The following AURKC variants were observed in gnomAD, a reference collection of about 807,000 sequenced individuals.
AURKC encodes the protein ARK-3.
Under a neutral mutation model 29.2 loss-of-function variants are expected in AURKC, and 15 were observed. The ratio of observed to expected loss-of-function variants is 0.51; its 90% CI spans 0.34 to 0.79. The LOEUF is 0.79. Among genes scored for constraint, AURKC ranks in the 30% least tolerant of loss-of-function variants. The pLI is 0.01. For synonymous variants in AURKC, 150 were observed against 149.9 expected (o/e 1.00, Z -0.01); for missense variants, 332 against 383.2 (o/e 0.87, Z 1.12).
At position 57,232,422 on chromosome 19, in the gene AURKC, A is replaced by G; in HGVS notation, c.297-120A>G. The G allele has an allele frequency of 3.3e-6, 5 of 1,523,934 alleles. No homozygotes were observed. Among genetic ancestry groups the G allele is most frequent in the Non-Finnish European group, 3.6e-6 (4 of 1,106,366 alleles). The allele number at this position is 1,523,934 out of a possible 1,614,324, so 94.4% of individuals were successfully genotyped here. On this transcript the variant is annotated intron_variant, in intron 3 of 6. Transcript: ENST00000302804. The surrounding 1 kb of genome is among the most constrained non-coding windows in gnomAD (Gnocchi z 4.5). Reference sequence around the variant, plus strand: ...CCGTTCTCCCCTCACTTGCTCCCAGATAGGGCTGTTGTTATTCTGGTCCCA... The same window carrying G: ...CCGTTCTCCCCTCACTTGCTCCCAGGTAGGGCTGTTGTTATTCTGGTCCCA...
In AURKC at chr19:57,231,231, C is replaced by T. The variant is rs1398434887; in HGVS notation, c.-18C>T. The T allele has an allele frequency of 1.9e-6, 3 of 1,551,678 alleles. No individual in the cohort carries two copies. Among genetic ancestry groups the T allele is most frequent in the Non-Finnish European group, 2.6e-6 (3 of 1,147,042 alleles). ...CAGAGGGTTCAGGAAGGCGTCCGCG[C>T]CCTCACCTCTTCTCCCCATGAGCTC... On this transcript the variant is annotated 5_prime_UTR_variant, in exon 1 of 7. Transcript: ENST00000302804.
At position 57,235,257 on chromosome 19, in the gene AURKC, G is replaced by T. The variant is rs147392532; in HGVS notation, c.770G>T (p.Arg257Met). 1.2e-6 allele frequency: 2 copies of T among 1,614,218 alleles called. No homozygotes were observed. Among genetic ancestry groups the T allele is most frequent in the Non-Finnish European group, 1.7e-6 (2 of 1,180,028 alleles). ...TCCTGGCCTCATCAGGTAGATGTGA[G>T]GTTTCCACTATCAATGCCTCTGGGG... ...TYRRILKVDV[R>M]FPLSMPLGAR... The change falls in exon 7 of 7, where the codon AGG becomes ATG. Residue 257 changes from arginine to methionine, a missense_variant. Coordinates refer to ENST00000302804, the MANE Select transcript of AURKC (RefSeq NM_001015878.2).
intron 6 of AURKC, 54 bp downstream of exon 6, chr19:57,235,112 G>T: frequency 6.2e-7 from 1 of 1,612,596 alleles, no homozygotes; most frequent in Admixed American, 1.7e-5. Context: ...GATGGCTGCT[G>T]GGCTGTGGGC....
rs2087514879 is a variant in AURKC at position 57,233,516 on chromosome 19, C to A, written c.492C>A (p.His164Gln). The A allele has an allele frequency of 6.2e-7, 1 of 1,614,174 alleles. No individual in the cohort carries two copies. Among genetic ancestry groups the A allele is most frequent in the Non-Finnish European group, 8.5e-7 (1 of 1,180,038 alleles). ...ACTGCCATGACAAGAAAGTGATTCA[C>A]AGAGATATTAAGCCAGAGAACCTGC... ...LTYCHDKKVI[H>Q]RDIKPENLLL... The change falls in exon 5 of 7, where the codon CAC becomes CAA. Residue 164 changes from histidine (H) to glutamine (Q), a missense_variant. Coordinates refer to ENST00000302804, the MANE Select transcript of AURKC (RefSeq NM_001015878.2).
rs768129031 is a variant in AURKC, at chr19:57,232,494, T to C, written c.297-48T>C. On this transcript the variant is annotated intron_variant, in intron 3 of 6. Transcript: ENST00000302804. The surrounding 1 kb of genome is among the most constrained non-coding windows in gnomAD (Gnocchi z 4.5). The stretch of plus-strand genomic sequence containing the variant: ...ACCAGGCAGTGACGGTGGCATCATA[T>C]GATAGGCCTCAGGGAGAAATCTGAC... 74 of 1,613,666 alleles carry C rather than the reference T, an allele frequency of 4.6e-5. No individual in the cohort carries two copies. The highest frequency in any genetic ancestry group is 5.6e-5 in the Non-Finnish European group (66 of 1,179,952).
intron 5 of AURKC, 73 bp downstream of exon 5, chr19:57,233,681 T>C: frequency 6.3e-7 from 1 of 1,599,270 alleles, no homozygotes; most frequent in Non-Finnish European, 8.6e-7. Context: ...GTATTTCATG[T>C]GTCCATGTGT....
At chr19:57,235,195 T>A in intron 6 of AURKC, 52 bp from the exon 7 acceptor site, 2 of 1,612,376 alleles carry the variant, frequency 1.2e-6, no homozygotes, top group Non-Finnish European at 1.7e-6. Flanking sequence ...AGGGAGGACA[T>A]TGATCAAAGA....
chr19:57,231,697 C>T (rs1311001423), intron 1 of AURKC, 45 bp from the exon 2 acceptor site: 2 of 1,606,496 alleles, frequency 1.2e-6, no homozygotes, highest in African/African-American at 1.3e-5. Flanking sequence ...CCTTCTCCTT[C>T]CCTCCCCTCT....
At position 57,232,605 on chromosome 19, in the gene AURKC, G is replaced by C; in HGVS notation, c.360G>C (p.Leu120=). ...ATGCACGCCGGGTGTACCTGATTCT[G>C]GAATATGCTCCAAGGGGTGAGCTCT... ...FHDARRVYLI[L]EYAPRGELYK... Residue 120 remains leucine, a synonymous_variant, in exon 4 of 7, where the codon CTG becomes CTC. Transcript: ENST00000302804. The surrounding 1 kb of genome is among the most constrained non-coding windows in gnomAD (Gnocchi z 4.5). 1 of 1,614,104 alleles carries C rather than the reference G, an allele frequency of 6.2e-7. No homozygotes were observed. The highest frequency in any genetic ancestry group is 8.5e-7 in the Non-Finnish European group (1 of 1,180,028).
chr19:57,232,004 C>G lies in AURKC; in HGVS notation c.105-29C>G. The G allele has an allele frequency of 1.9e-6, 3 of 1,613,810 alleles. No individual in the cohort carries two copies. The highest frequency in any genetic ancestry group is 2.2e-5 in the East Asian group (1 of 44,862). On this transcript the variant is annotated intron_variant, in intron 2 of 6. Transcript: ENST00000302804. This position sits in a 1 kb window ranked among gnomAD's most constrained non-coding sequence, Gnocchi z 4.5. The stretch of plus-strand genomic sequence containing the variant: ...CCCTCCGCCTACCCTACCTCCCAAG[C>G]TGAGGCTTTTTTCTTCCTCTCCTGT...
At chr19:57,233,282 A>G (rs896234677) in intron 4 of AURKC, among the ~76,000 whole-genome samples, 178 bp from the exon 5 acceptor site, 1 of 152,182 alleles carries the variant, frequency 6.6e-6, no homozygotes, top group South Asian at 2.1e-4. Flanking sequence ...AGACCACATA[A>G]AAAGGAGAGG....
At position 57,231,063 on chromosome 19, in the gene AURKC, C is replaced by G. The variant is rs555913559; in HGVS notation, c.-186C>G. 9.7e-5 allele frequency: 135 copies of G among 1,398,266 alleles called. 1 individual carries two copies. In the African/African-American group the frequency reaches 1.6e-3, roughly 16 times the overall value. 86.6% of individuals were successfully genotyped at this position (1,398,266 alleles called of 1,614,324 possible). Reference sequence around the variant, plus strand: ...GGTATAAAAGAAGGCCGCGCAGCCACGGCTGCTCACGACGCCGCGGATCCC... The same window carrying G: ...GGTATAAAAGAAGGCCGCGCAGCCAGGGCTGCTCACGACGCCGCGGATCCC... On this transcript the variant is annotated 5_prime_UTR_variant, in exon 1 of 7. Transcript: ENST00000302804.
intron 4 of AURKC, among the ~76,000 whole-genome samples, chr19:57,233,012 T>C (rs896347367): frequency 6.6e-6 from 1 of 152,162 alleles, no homozygotes. Context: ...TAGAACTGGC[T>C]TAGAGATAGG....
At position 57,231,092 on chromosome 19, in the gene AURKC, G is replaced by A. The variant is rs1599969431; in HGVS notation, c.-157G>A. ...TGCTCACGACGCCGCGGATCCCGAA[G>A]CCTGTGTAGCAGTGAGACATCAGTG... On this transcript the variant is annotated 5_prime_UTR_variant, in exon 1 of 7. Coordinates refer to ENST00000302804, the MANE Select transcript of AURKC (RefSeq NM_001015878.2). 7 of 1,514,780 alleles carry A rather than the reference G, an allele frequency of 4.6e-6. No homozygotes were observed. The highest frequency in any genetic ancestry group is 1.7e-4 in the Middle Eastern group (1 of 5,928). 93.8% of individuals were successfully genotyped at this position (1,514,780 alleles called of 1,614,324 possible).
At chr19:57,234,101 A>G (rs1467484548) in intron 5 of AURKC, among the ~76,000 whole-genome samples, 28 of 119,784 alleles carry the variant, frequency 2.3e-4, no homozygotes, top group African/African-American at 8.6e-4. Flanking sequence ...CTTGTTGCCC[A>G]GGCTAGATTG....
chr19:57,231,054 G>T lies in AURKC; in HGVS notation c.-195G>T, dbSNP rs2087480518. The T allele has an allele frequency of 1.5e-6, 2 of 1,337,062 alleles. No homozygotes were observed. Among genetic ancestry groups the T allele is most frequent in the African/African-American group, 2.8e-5 (2 of 70,266 alleles). The allele number at this position is 1,337,062 out of a possible 1,614,324, so 82.8% of individuals were successfully genotyped here. A position where few individuals can be genotyped will look rare whatever the true frequency, so the allele number is the denominator to read the frequency against. On this transcript the variant is annotated 5_prime_UTR_variant, in exon 1 of 7. Coordinates refer to ENST00000302804, the MANE Select transcript of AURKC (RefSeq NM_001015878.2). ...TTGGTGCCGGGTATAAAAGAAGGCC[G>T]CGCAGCCACGGCTGCTCACGACGCC...
In AURKC at chr19:57,231,707, T is replaced by C. The variant is rs759413806; in HGVS notation, c.59-35T>C. ...TCTCCCCTTCTCCTTCCCTCCCCTC[T>C]CCCTTCCTATCTCCCTCCTCCTCCT... On this transcript the variant is annotated intron_variant, in intron 1 of 6. Transcript: ENST00000302804. The C allele has an allele frequency of 1.1e-5, 17 of 1,604,842 alleles. No homozygotes were observed. In the Admixed American group the frequency reaches 1.8e-4, roughly 17 times the overall value.
intron 5 of AURKC, among the ~76,000 whole-genome samples, chr19:57,234,671 A>C (rs1032331299): frequency 1.3e-5 from 2 of 152,254 alleles, no homozygotes; most frequent in African/African-American, 4.8e-5. Context: ...CACTGTGTGA[A>C]TAATTCCAAA....
At position 57,232,261 on chromosome 19, in the gene AURKC, G is replaced by A. The variant is rs1326769989; in HGVS notation, c.296+37G>A. 5 of 1,609,524 alleles carry A rather than the reference G, an allele frequency of 3.1e-6. No homozygotes were observed. In the African/African-American group the frequency reaches 5.3e-5, roughly 17 times the overall value. On this transcript the variant is annotated intron_variant, in intron 3 of 6. Transcript: ENST00000302804. This position sits in a 1 kb window ranked among gnomAD's most constrained non-coding sequence, Gnocchi z 4.5. ...CTCTGCTTCCTCTTTCATCTTTGAC[G>A]TCTGAGCCCAGCATTTTCCCCAAAT...
Sources: gnomAD v4.1 joint callset for allele counts (sites outside exome capture counted in the v4.1 genomes callset) on GRCh38, gnomAD v4.1.1 for gene constraint, Gnocchi (gnomAD v3.1) non-coding constraint, MANE v1.5 for transcripts, NCBI Gene and HGNC (gene_info 2026-07-23, HGNC 2026-07-21) for gene names.